Variants in GMDS observed in about 807,000 individuals in gnomAD.
GMDS encodes the protein GDP-mannose 4,6 dehydratase.
GMDS carries 20 observed loss-of-function variants against 49.9 expected under a neutral mutation model. The observed-to-expected ratio is 0.40, with a 90% CI of 0.28 to 0.58. The LOEUF is 0.58. GMDS is among the 20% of genes least tolerant of loss of function. GMDS has a pLI of 0.42. For missense variants in GMDS, 362 were observed against 481.4 expected (o/e 0.75, Z 2.32); for synonymous variants, 177 against 178.6 (o/e 0.99, Z 0.07).
At chr6:1,852,027 A>C in intron 7 of GMDS, among the ~76,000 whole-genome samples, 1 of 152,210 alleles carries the variant, frequency 6.6e-6, no homozygotes, top group East Asian at 1.9e-4. Flanking sequence ...AGGGTCCCTG[A>C]AGGGAGCGAG....
At chr6:2,041,652 G>A (rs1769689545) in intron 4 of GMDS, among the ~76,000 whole-genome samples, 1 of 152,138 alleles carries the variant, frequency 6.6e-6, no homozygotes, top group African/African-American at 2.4e-5. Context: ...GGGTCAAGGG[G>A]AGGTGGGGTC....
At chr6:1,750,598 G>C (rs1359581584) in intron 7 of GMDS, among the ~76,000 whole-genome samples, 4 of 152,168 alleles carry the variant, frequency 2.6e-5, no homozygotes, top group Non-Finnish European at 1.5e-5. Flanking sequence ...CAGACCAGGA[G>C]ATTCCTTCGG....
intron 9 of GMDS, among the ~76,000 whole-genome samples, chr6:1,658,181 T>C (rs1763951940): frequency 6.6e-6 from 1 of 152,266 alleles, no homozygotes; most frequent in Non-Finnish European, 1.5e-5. Context: ...CCTTTATACA[T>C]GCCACTGTCC....
chr6:1,690,540 T>G (rs552509064), intron 9 of GMDS, among the ~76,000 whole-genome samples: 1 of 152,190 alleles, frequency 6.6e-6, no homozygotes, highest in African/African-American at 2.4e-5. Context: ...ACGTGCAGTC[T>G]TATTCCTGAG....
intron 4 of GMDS, among the ~76,000 whole-genome samples, chr6:1,967,047 T>G (rs2628454): frequency 0.63 from 95,509 of 151,990 alleles, 30,100 homozygotes; most frequent in Admixed American, 0.66. Flanking sequence ...GCCACCCTGC[T>G]GTCCTAGTCT....
chr6:1,969,393 A>G (rs1395365938), intron 4 of GMDS, among the ~76,000 whole-genome samples: 1 of 151,908 alleles, frequency 6.6e-6, no homozygotes. Context: ...TAAATGAATT[A>G]AGGGAAGGTA....
At chr6:1,810,937 C>T (rs916766097) in intron 7 of GMDS, among the ~76,000 whole-genome samples, 37 of 151,834 alleles carry the variant, frequency 2.4e-4, no homozygotes, top group Non-Finnish European at 7.4e-5. Context: ...TCTGTGGAAA[C>T]GGGAAGTATC....
intron 1 of GMDS, among the ~76,000 whole-genome samples, chr6:2,139,720 C>T (rs1776189526): frequency 1.3e-5 from 2 of 152,290 alleles, no homozygotes; most frequent in African/African-American, 4.8e-5. Flanking sequence ...CAGTCTGACT[C>T]CAGAGACTCT....
At chr6:2,156,063 T>C (rs1777099219) in intron 1 of GMDS, among the ~76,000 whole-genome samples, 1 of 152,198 alleles carries the variant, frequency 6.6e-6, no homozygotes, top group South Asian at 2.1e-4. Flanking sequence ...GAATAATTGT[T>C]AGCTTTCCTA....
intron 4 of GMDS, among the ~76,000 whole-genome samples, chr6:2,043,785 G>A (rs1769829490): frequency 6.6e-6 from 1 of 151,844 alleles, no homozygotes; most frequent in Non-Finnish European, 1.5e-5. Context: ...TACAGGATGG[G>A]AGAAAGTTTT....
At chr6:2,109,781 A>C (rs1774442149) in intron 4 of GMDS, among the ~76,000 whole-genome samples, 2 of 152,252 alleles carry the variant, frequency 1.3e-5, no homozygotes, top group Admixed American at 1.3e-4. Flanking sequence ...CTCTGGGCAC[A>C]GGGCCTGTAA....
chr6:1,806,955 T>C (rs982624908), intron 7 of GMDS, among the ~76,000 whole-genome samples: 1 of 152,194 alleles, frequency 6.6e-6, no homozygotes, highest in East Asian at 1.9e-4. Context: ...AAATATAATA[T>C]GCATATTTGT....
chr6:1,691,380 A>T (rs1006081965), intron 9 of GMDS, among the ~76,000 whole-genome samples: 41 of 152,124 alleles, frequency 2.7e-4, no homozygotes, highest in African/African-American at 9.4e-4. Context: ...GAGGGAGAGC[A>T]TCAGGAAAAA....
chr6:1,749,840 A>G (rs1287252563), intron 7 of GMDS, among the ~76,000 whole-genome samples: 1 of 151,496 alleles, frequency 6.6e-6, no homozygotes, highest in African/African-American at 2.4e-5. Context: ...ATACTTTTTC[A>G]TTTTTTTTGT....
At chr6:2,029,984 T>C (rs1768850314) in intron 4 of GMDS, among the ~76,000 whole-genome samples, 1 of 152,054 alleles carries the variant, frequency 6.6e-6, no homozygotes, top group African/African-American at 2.4e-5. Context: ...TAAAAACAGA[T>C]AGCATGCATT....
At chr6:1,940,826 C>T (rs182588988) in intron 6 of GMDS, among the ~76,000 whole-genome samples, 1 of 152,338 alleles carries the variant, frequency 6.6e-6, no homozygotes, top group Admixed American at 6.5e-5. Flanking sequence ...GTCTTCCTTT[C>T]AGGTTTTCTC....
At chr6:2,194,354 G>A (rs1015360892) in intron 1 of GMDS, among the ~76,000 whole-genome samples, 5 of 152,190 alleles carry the variant, frequency 3.3e-5, no homozygotes, top group Non-Finnish European at 7.3e-5. Flanking sequence ...GACTTGTAAA[G>A]AAGAGTGAAG....
chr6:2,195,096 T>C (rs969193686), intron 1 of GMDS, among the ~76,000 whole-genome samples: 1 of 152,244 alleles, frequency 6.6e-6, no homozygotes, highest in Non-Finnish European at 1.5e-5. Flanking sequence ...GGTAAAATCA[T>C]AGTAATTTTA....
chr6:1,979,905 G>T (rs964020379), intron 4 of GMDS, among the ~76,000 whole-genome samples: 2 of 152,154 alleles, frequency 1.3e-5, no homozygotes, highest in Non-Finnish European at 2.9e-5. Context: ...CATTCTTAAA[G>T]AAAAGAATTT....
Sources: allele counts gnomAD v4.1 joint callset (sites outside exome capture counted in the v4.1 genomes callset), GRCh38; gene constraint gnomAD v4.1.1; transcripts MANE v1.5; gene names NCBI Gene and HGNC (gene_info 2026-07-23, HGNC 2026-07-21).